GLI3: variants seen among roughly 807,000 people sequenced by gnomAD.
GLI3 encodes transcription activator GLI3.
A neutral mutation model predicts 100.8 loss-of-function variants in GLI3; 20 were observed. The observed-to-expected ratio is 0.20, with a 90% CI of 0.14 to 0.29. GLI3 has a LOEUF of 0.29. Among genes scored for constraint, GLI3 ranks in the 10% least tolerant of loss-of-function variants. The pLI is 1.00. For synonymous variants in GLI3, 938 were observed against 860.5 expected (o/e 1.09, Z -1.58); for missense variants, 2,040 against 2,128.5 (o/e 0.96, Z 0.82).
rs1358771484 is a variant in GLI3 at position 41,964,557 on chromosome 7, A to T, written c.4516T>A (p.Phe1506Ile). ...TCCCCATCGTCTATGATGGCATCGAAGTCAATCTGTACCCCTTCCAGGTCA... is the reference window on the plus strand; with the variant it reads ...TCCCCATCGTCTATGATGGCATCGATGTCAATCTGTACCCCTTCCAGGTCA... ...SHDLEGVQID[F>I]DAIIDDGDHS... Residue 1506 changes from phenylalanine (F) to isoleucine (I), a missense_variant, in exon 15 of 15, where the codon TTC becomes ATC. By Grantham distance (21) the Phe-to-Ile change is conservative (BLOSUM62 0). Transcript: ENST00000395925. The T allele has an allele frequency of 6.2e-6, 10 of 1,613,906 alleles. No individual in the cohort carries two copies. The highest frequency in any genetic ancestry group is 1.3e-5 in the African/African-American group (1 of 74,922).
chr7:42,081,006 T>G (rs1784986841), intron 3 of GLI3, among the ~76,000 whole-genome samples: 1 of 152,180 alleles, frequency 6.6e-6, no homozygotes, highest in Non-Finnish European at 1.5e-5. Context: ...GCCCTGCCCC[T>G]TGACAAAACA....
chr7:42,069,677 G>A (rs1410341039), intron 4 of GLI3, among the ~76,000 whole-genome samples: 1 of 152,186 alleles, frequency 6.6e-6, no homozygotes, highest in African/African-American at 2.4e-5. Context: ...AGTGAAGATG[G>A]AGAGGGGGTG....
chr7:42,034,502 A>G (rs1789381010), intron 7 of GLI3, among the ~76,000 whole-genome samples: 1 of 152,124 alleles, frequency 6.6e-6, no homozygotes, highest in South Asian at 2.1e-4. Flanking sequence ...GTGGTCCAAG[A>G]TGCTGTGGTA....
chr7:42,117,840 G>A lies in GLI3; in HGVS notation c.367+30386C>T, dbSNP rs988933351. ...CATTTTGAAAGAAAACCCAGCTCGA[G>A]GCTTTCCCACCCTACATATCACTGC... On this transcript the variant is annotated intron_variant, in intron 3 of 14. Transcript: ENST00000395925. Among the ~76,000 whole-genome samples the A allele has an allele frequency of 3.9e-5, 6 of 152,152 alleles. No homozygotes were observed. The East Asian group carries it at 9.6e-4, about 24-fold the overall frequency.
chr7:42,031,209 T>C (rs1176687930), intron 7 of GLI3, among the ~76,000 whole-genome samples: 1 of 152,236 alleles, frequency 6.6e-6, no homozygotes, highest in African/African-American at 2.4e-5. Context: ...AATTAATCTG[T>C]TATTATTTCT....
chr7:41,986,399 C>G (rs1034557009), intron 10 of GLI3, among the ~76,000 whole-genome samples: 7 of 149,716 alleles, frequency 4.7e-5, no homozygotes, highest in African/African-American at 1.7e-4. Context: ...TAAAATATGA[C>G]CCCCACCCCA....
chr7:42,061,964 T>C (rs1784577717), intron 4 of GLI3, among the ~76,000 whole-genome samples: 2 of 152,200 alleles, frequency 1.3e-5, no homozygotes, highest in African/African-American at 4.8e-5. Context: ...AGTCTCCTTC[T>C]GCAGTTCCTT....
chr7:42,182,056 A>G (rs925856356), intron 2 of GLI3, among the ~76,000 whole-genome samples: 20 of 152,080 alleles, frequency 1.3e-4, no homozygotes, highest in African/African-American at 1.7e-4. Flanking sequence ...CTGGGGCCCT[A>G]CGATTTACAA....
chr7:42,219,853 CTTTTT>C (rs769305998), intron 2 of GLI3, among the ~76,000 whole-genome samples: 1 of 133,726 alleles, frequency 7.5e-6, no homozygotes, highest in Non-Finnish European at 1.6e-5. Flanking sequence ...AAACTGAACT[CTTTTT>C]TTTTTTTTTT....
Position 42,023,475 on chromosome 7 carries a change from A to T in GLI3, c.1490T>A (p.Leu497His), listed in dbSNP as rs2128730755. The T allele has an allele frequency of 6.2e-7, 1 of 1,614,162 alleles. No individual in the cohort carries two copies. The highest frequency in any genetic ancestry group is 2.2e-5 in the East Asian group (1 of 44,876). The stretch of plus-strand genomic sequence containing the variant: ...TGAATACCATCCACTTACGTGCACA[A>T]GCTGCTCTTGGGTGTCGAACTCCCT... ...CAREFDTQEQ[L>H]VHHINNDHIH... The change falls in exon 10 of 15, where the codon CTT becomes CAT. Residue 497 changes from leucine (L) to histidine (H), a missense_variant. Leu to His is a moderately conservative substitution (Grantham distance 99). Coordinates refer to ENST00000395925, the MANE Select transcript of GLI3 (RefSeq NM_000168.6).
intron 10 of GLI3, among the ~76,000 whole-genome samples, chr7:41,993,587 AG>A (rs1392801614): frequency 2.6e-5 from 4 of 152,330 alleles, no homozygotes; most frequent in Admixed American, 2.0e-4. Flanking sequence ...CCACACAGCC[AG>A]GGATTTTTAT....
At chr7:42,175,236 C>T (rs186273916) in intron 2 of GLI3, among the ~76,000 whole-genome samples, 94 of 152,218 alleles carry the variant, frequency 6.2e-4, no homozygotes, top group African/African-American at 2.0e-3. Context: ...TGGGCCAGTC[C>T]CCCCGAAATG....
At position 41,978,610 on chromosome 7, in the gene GLI3, G is replaced by A; in HGVS notation, c.1636C>T (p.His546Tyr). The A allele has an allele frequency of 2.5e-6, 4 of 1,614,170 alleles. No homozygotes were observed. Among genetic ancestry groups the A allele is most frequent in the Non-Finnish European group, 3.4e-6 (4 of 1,180,014 alleles). ...ACTTCTGTACTCACAGTGCATTTGT[G>A]AGGCTTCTCGCCCGTGTGTCTTCTC... Reference protein sequence around the residue: ...HMRRHTGEKPHKCTFEGCTKA... With the variant: ...HMRRHTGEKPYKCTFEGCTKA... Residue 546 changes from histidine (H) to tyrosine (Y), a missense_variant, in exon 11 of 15, where the codon CAC (histidine) becomes TAC (tyrosine). Coordinates refer to ENST00000395925, the MANE Select transcript of GLI3 (RefSeq NM_000168.6).
chr7:42,229,911 T>C lies in GLI3; in HGVS notation c.-42-6616A>G, dbSNP rs549928815. Reference sequence around the variant, plus strand: ...CATTTCATTGGATTTCATGTATTCATGCACCACAGAAAACCTCTTATAGGT... The same window carrying C: ...CATTTCATTGGATTTCATGTATTCACGCACCACAGAAAACCTCTTATAGGT... On this transcript the variant is annotated intron_variant, in intron 1 of 14. Coordinates refer to ENST00000395925, the MANE Select transcript of GLI3 (RefSeq NM_000168.6). 6.6e-5 allele frequency among the ~76,000 whole-genome samples: 10 copies of C among 152,316 alleles called. No homozygotes were observed. The South Asian group carries it at 1.4e-3, about 22-fold the overall frequency.
chr7:42,076,851 G>A lies in GLI3; in HGVS notation c.374C>T (p.Pro125Leu). The A allele has an allele frequency of 6.2e-7, 1 of 1,605,136 alleles. No individual in the cohort carries two copies. The highest frequency in any genetic ancestry group is 8.5e-7 in the Non-Finnish European group (1 of 1,171,846). The change falls in exon 4 of 15, where the codon CCT becomes CTT. Residue 125 changes from proline (P) to leucine (L), a missense_variant. By Grantham distance (98) the Pro-to-Leu change is moderately conservative. Transcript: ENST00000395925. Reference sequence around the variant, plus strand: ...AGGATGGAAGGCAGGGAAAAGATGAGGAGGGTCTGAAAAGAAGAGAGAGCC... The same window carrying A: ...AGGATGGAAGGCAGGGAAAAGATGAAGAGGGTCTGAAAAGAAGAGAGAGCC... ...NGYMEPHYHP[P>L]HLFPAFHPPV...
intron 3 of GLI3, among the ~76,000 whole-genome samples, chr7:42,104,254 T>C (rs1023216717): frequency 2.0e-5 from 3 of 152,210 alleles, no homozygotes; most frequent in Non-Finnish European, 4.4e-5. Flanking sequence ...GAAAAGAAGA[T>C]AATGCATCAC....
intron 1 of GLI3, among the ~76,000 whole-genome samples, chr7:42,235,393 G>T (rs977007007): frequency 6.6e-6 from 1 of 152,110 alleles, no homozygotes; most frequent in Admixed American, 6.5e-5. Context: ...GCCTTAAATA[G>T]ACTGAAAAGA....
intron 7 of GLI3, among the ~76,000 whole-genome samples, chr7:42,026,705 A>C (rs1420920736): frequency 6.6e-6 from 1 of 152,268 alleles, no homozygotes; most frequent in Non-Finnish European, 1.5e-5. Flanking sequence ...CAAACTTTAT[A>C]TAAAAAGAGA....
intron 2 of GLI3, among the ~76,000 whole-genome samples, chr7:42,169,848 T>G (rs1160932191): frequency 6.6e-6 from 1 of 152,114 alleles, no homozygotes; most frequent in Non-Finnish European, 1.5e-5. Context: ...TACTTCTTAT[T>G]ACTTCTTATA....
Sources: gnomAD v4.1 joint callset for allele counts (sites outside exome capture counted in the v4.1 genomes callset) on GRCh38, gnomAD v4.1.1 for gene constraint, MANE v1.5 for transcripts, NCBI Gene and HGNC (gene_info 2026-07-23, HGNC 2026-07-21) for gene names.